Variants in PTH2R observed in about 807,000 individuals in gnomAD.
PTH2R encodes PTH2 receptor.
A neutral mutation model predicts 60.3 loss-of-function variants in PTH2R; 59 were observed. That is an observed-to-expected ratio of 0.98 (90% confidence interval 0.79 to 1.22). The LOEUF is 1.22. PTH2R is among the 50% of genes most tolerant of loss of function. PTH2R has a pLI of 0.00. For missense variants in PTH2R, 749 were observed against 682.6 expected (o/e 1.10, Z -1.08); for synonymous variants, 256 against 243.8 (o/e 1.05, Z -0.47).
intron 7 of PTH2R, among the ~76,000 whole-genome samples, chr2:208,447,571 G>C (rs1702312268): frequency 7.0e-6 from 1 of 143,020 alleles, no homozygotes; most frequent in South Asian, 2.2e-4. Context: ...CTGGGTGACA[G>C]AGCGAGACTC....
chr2:208,466,548 G>A lies in PTH2R; in HGVS notation c.981+6587G>A, dbSNP rs572824590. 2.4e-4 allele frequency: 36 copies of A among 152,324 alleles called. 1 individual carries two copies. The highest frequency in any genetic ancestry group is 7.7e-4 in the African/African-American group (32 of 41,570). The allele number at this position is 152,324 out of a possible 1,614,324, so 9.4% of individuals were successfully genotyped here. A position where few individuals can be genotyped will look rare whatever the true frequency, so the allele number is the denominator to read the frequency against. On this transcript the variant is annotated intron_variant, in intron 9 of 12. Transcript: ENST00000272847. ...GTGAAGTTTCTTCACCCCTCCAGTA[G>A]ATGGCACACTGGCCTTTGTAGTTTT...
At chr2:208,407,944 C>T (rs1034896606) in intron 1 of PTH2R, among the ~76,000 whole-genome samples, 17 of 152,096 alleles carry the variant, frequency 1.1e-4, no homozygotes, top group Non-Finnish European at 2.1e-4. Flanking sequence ...ATTATTTCAC[C>T]GTGAGAATTC....
intron 1 of PTH2R, among the ~76,000 whole-genome samples, chr2:208,426,166 C>G (rs1701853951): frequency 1.3e-5 from 2 of 152,108 alleles, no homozygotes; most frequent in Non-Finnish European, 2.9e-5. Context: ...ATATTTATAA[C>G]TTTAGGGGCT....
At chr2:208,378,268 C>G (rs1700847304) in intron 1 of PTH2R, among the ~76,000 whole-genome samples, 1 of 150,066 alleles carries the variant, frequency 6.7e-6, no homozygotes, top group African/African-American at 2.5e-5. Flanking sequence ...AGGCACTCGG[C>G]AGGCTGAGGC....
In PTH2R at chr2:208,442,264, A is replaced by C. The variant is rs908627354; in HGVS notation, c.412-100A>C. 14 of 886,142 alleles carry C rather than the reference A, an allele frequency of 1.6e-5. 1 individual carries two copies. The highest frequency in any genetic ancestry group is 9.9e-5 in the Admixed American group (5 of 50,554). 54.9% of individuals were successfully genotyped at this position (886,142 alleles called of 1,614,324 possible). A position where few individuals can be genotyped will look rare whatever the true frequency, so the allele number is the denominator to read the frequency against. ...GCAAATTACAGCTTAAAAAAGTTAA[A>C]GAGAATTAGAAATAAGATTCCAAAA... On this transcript the variant is annotated intron_variant, in intron 4 of 12. Coordinates refer to ENST00000272847, the MANE Select transcript of PTH2R (RefSeq NM_005048.4).
Position 208,493,733 on chromosome 2 carries a change from A to G in PTH2R, c.*74A>G, listed in dbSNP as rs1574922643. ...GTGAGAGGGCTTGGCTGATACTCCT[A>G]TGCTTGAGTTCAAAGGCTGAAAATT... On this transcript the variant is annotated 3_prime_UTR_variant, in exon 13 of 13. Coordinates refer to ENST00000272847, the MANE Select transcript of PTH2R (RefSeq NM_005048.4). 2.8e-6 allele frequency: 4 copies of G among 1,443,330 alleles called. No individual in the cohort carries two copies. The highest frequency in any genetic ancestry group is 2.4e-5 in the East Asian group (1 of 41,790). 89.4% of individuals were successfully genotyped at this position (1,443,330 alleles called of 1,614,324 possible).
chr2:208,432,699 AAATACC>A (rs1701996413), intron 2 of PTH2R, among the ~76,000 whole-genome samples: 1 of 152,206 alleles, frequency 6.6e-6, no homozygotes, highest in African/African-American at 2.4e-5. Flanking sequence ...GTCCATGGCC[AAATACC>A]TGAGAGCCCC....
rs1553541026 is a variant in PTH2R, at chr2:208,388,139, C to CCCT, written c.-259+27904_-259+27905insTCC. Among the ~76,000 whole-genome samples, 9 of 149,546 alleles carry CCCT rather than the reference C, an allele frequency of 6.0e-5. 1 individual carries two copies. In the South Asian group the frequency reaches 8.7e-4, roughly 14 times the overall value. On this transcript the variant is annotated intron_variant, in intron 1 of 12. Coordinates refer to the PTH2R transcript ENST00000617735. ...TCTGGCTAACATGGTGAAACCCCCC[C>CCCT]CCCCGTCTCTACTAAAAATACAAAA...
At chr2:208,406,760 C>T, upstream of PTH2R, 1 of 309,594 alleles carries the variant, frequency 3.2e-6, no homozygotes. Context: ...CCCCTTCCCG[C>T]CGCAGGCGGC....
At chr2:208,451,907 G>T (rs1702414495) in intron 8 of PTH2R, among the ~76,000 whole-genome samples, 1 of 152,068 alleles carries the variant, frequency 6.6e-6, no homozygotes. Context: ...GGGTACATTT[G>T]CATTAAATAG....
At chr2:208,437,110 C>T (rs147390568) in intron 2 of PTH2R, among the ~76,000 whole-genome samples, 104 of 152,250 alleles carry the variant, frequency 6.8e-4, no homozygotes, top group African/African-American at 2.4e-3. Flanking sequence ...CTGAGTCTTG[C>T]GGCTTGCCAG....
chr2:208,392,988 A>G (rs1701134490), intron 1 of PTH2R, among the ~76,000 whole-genome samples: 2 of 152,152 alleles, frequency 1.3e-5, no homozygotes, highest in South Asian at 2.1e-4. Context: ...GAAGGTTCGT[A>G]TTGCTGTCTG....
chr2:208,490,147 A>C (rs1021972450), intron 11 of PTH2R, among the ~76,000 whole-genome samples: 34 of 152,026 alleles, frequency 2.2e-4, no homozygotes, highest in African/African-American at 7.7e-4. Context: ...TAGAACAGGG[A>C]ACTTGTCTGT....
At chr2:208,474,983 G>A (rs180937712) in intron 9 of PTH2R, among the ~76,000 whole-genome samples, 89 of 152,344 alleles carry the variant, frequency 5.8e-4, no homozygotes, top group Admixed American at 1.1e-3. Context: ...AGCTGCTGAT[G>A]TGAGTAATGG....
At chr2:208,453,961 C>T (rs552358966) in intron 8 of PTH2R, among the ~76,000 whole-genome samples, 96 of 152,008 alleles carry the variant, frequency 6.3e-4, no homozygotes, top group Non-Finnish European at 1.1e-3. Context: ...AAATCTTGAC[C>T]GCCCATCTCC....
intron 1 of PTH2R, chr2:208,360,320 G>T: frequency 3.1e-6 from 1 of 327,518 alleles, no homozygotes; most frequent in Non-Finnish European, 6.2e-6. Context: ...AGGAACTTTC[G>T]CCACACCCGG....
intron 1 of PTH2R, among the ~76,000 whole-genome samples, chr2:208,370,799 A>C (rs937750400): frequency 9.2e-5 from 14 of 152,054 alleles, no homozygotes; most frequent in African/African-American, 3.4e-4. Flanking sequence ...TATTGCTATG[A>C]AGAGATACCT....
At chr2:208,401,723 C>G (rs1165390614) in intron 1 of PTH2R, among the ~76,000 whole-genome samples, 2 of 152,234 alleles carry the variant, frequency 1.3e-5, no homozygotes, top group South Asian at 4.1e-4. Context: ...CACACACAGC[C>G]CTTCTTCACG....
At chr2:208,448,685 C>T (rs906935113) in intron 7 of PTH2R, among the ~76,000 whole-genome samples, 1 of 148,310 alleles carries the variant, frequency 6.7e-6, no homozygotes, top group African/African-American at 2.5e-5. Flanking sequence ...TACTAGATAA[C>T]ATTTAAATTT....
Sources: allele counts gnomAD v4.1 joint callset (sites outside exome capture counted in the v4.1 genomes callset), GRCh38; gene constraint gnomAD v4.1.1; transcripts MANE v1.5; gene names NCBI Gene and HGNC (gene_info 2026-07-23, HGNC 2026-07-21).